The following UTP15 variants were observed in gnomAD, a reference collection of about 807,000 sequenced individuals.
The protein encoded by UTP15 is UTP15 small subunit processome component.
In UTP15, 5 loss-of-function variants were observed where a neutral mutation model predicts 59.1. The ratio of observed to expected loss-of-function variants is 0.08; its 90% CI spans 0.04 to 0.18. UTP15 has a LOEUF of 0.18. UTP15 is among the 10% of genes least tolerant of loss of function. The pLI, the probability that UTP15 is intolerant of heterozygous loss-of-function variation, is 1.00. For synonymous variants in UTP15, 211 were observed against 212.2 expected (o/e 0.99, Z 0.05); for missense variants, 494 against 616.7 (o/e 0.80, Z 2.11).
At chr5:73,566,831 T>G (rs1305794433) in intron 1 of UTP15, among the ~76,000 whole-genome samples, 4 of 152,246 alleles carry the variant, frequency 2.6e-5, no homozygotes, top group Non-Finnish European at 5.9e-5. Flanking sequence ...TCTTGGCATT[T>G]TTAGGCTTTC....
rs185423061 is a variant in UTP15 at position 73,575,785 on chromosome 5, C to G, written c.810-1167C>G. On this transcript the variant is annotated intron_variant, in intron 7 of 12. Transcript: ENST00000296792. ...TTGCCCAGGCTGGAGTGCAATGGCG[C>G]GGTCTCGGCTCACCGCACCTTCTGC... 5.9e-4 allele frequency among the ~76,000 whole-genome samples: 89 copies of G among 151,170 alleles called. No homozygotes were observed. In the Middle Eastern group the frequency reaches 0.014, roughly 23 times the overall value.
intron 5 of UTP15, among the ~76,000 whole-genome samples, chr5:73,570,222 C>T (rs916254857): frequency 3.3e-5 from 5 of 152,174 alleles, no homozygotes; most frequent in African/African-American, 1.2e-4. Context: ...GTCTTGAAAA[C>T]ATAATAGACT....
At chr5:73,571,305 A>G (rs573791449) in intron 6 of UTP15, among the ~76,000 whole-genome samples, 22 of 151,488 alleles carry the variant, frequency 1.5e-4, no homozygotes, top group African/African-American at 5.3e-4. Context: ...CTTGATTGAA[A>G]TGCCACTACC....
chr5:73,572,340 G>C (rs1747955146), intron 6 of UTP15, 149 bp from the exon 7 acceptor site: 1 of 846,498 alleles, frequency 1.2e-6, no homozygotes, highest in Non-Finnish European at 1.9e-6. Context: ...AGGAAGTGGT[G>C]CATCCAGGAT....
chr5:73,569,400 C>CTT, intron 4 of UTP15, 97 bp from the exon 5 acceptor site: 1 of 994,128 alleles, frequency 1.0e-6, no homozygotes, highest in Non-Finnish European at 1.4e-6. Flanking sequence ...AACTCAGCTG[C>CTT]TTTTTTTTTA....
chr5:73,577,034 G>T lies in UTP15; in HGVS notation c.892G>T (p.Ala298Ser), dbSNP rs775087865. ...AGCTTCAATTTTGAGTCTTGCCCTT[G>T]CAGTAAGTACCTTTACCTATTTTTA... ...YAASILSLAL[A>S]HEDETIVVGM... The change falls in exon 8 of 13, where the codon GCA becomes TCA. Residue 298 changes from alanine to serine, a missense_variant and splice_region_variant. Coordinates refer to ENST00000296792, the MANE Select transcript of UTP15 (RefSeq NM_032175.4). The T allele has an allele frequency of 1.9e-6, 3 of 1,606,348 alleles. No individual in the cohort carries two copies. Among genetic ancestry groups the T allele is most frequent in the South Asian group, 2.2e-5 (2 of 89,400 alleles).
At chr5:73,569,133 A>G (rs1747863071) in intron 4 of UTP15, among the ~76,000 whole-genome samples, 1 of 152,236 alleles carries the variant, frequency 6.6e-6, no homozygotes, top group Non-Finnish European at 1.5e-5. Flanking sequence ...TTTATGTAAC[A>G]TGATTCTATT....
intron 9 of UTP15, 140 bp from the exon 10 acceptor site, chr5:73,578,607 TTTTA>T (rs1241829151): frequency 1.5e-6 from 1 of 651,318 alleles, no homozygotes; most frequent in Non-Finnish European, 2.5e-6. Context: ...CAGGATGCAT[TTTTA>T]TTTAATCTAC....
At chr5:73,575,402 T>G (rs1748060003) in intron 7 of UTP15, among the ~76,000 whole-genome samples, 1 of 152,164 alleles carries the variant, frequency 6.6e-6, no homozygotes, top group Non-Finnish European at 1.5e-5. Flanking sequence ...TCATGGTACT[T>G]ACCATATAGG....
intron 12 of UTP15, 95 bp from the exon 13 acceptor site, chr5:73,579,782 A>G (rs1307873095): frequency 1.5e-6 from 1 of 660,650 alleles, no homozygotes; most frequent in East Asian, 3.0e-5. Context: ...CAGTGTTCTT[A>G]TGTTTAATAT....
chr5:73,576,865 GT>G (rs1368348719), intron 7 of UTP15, 86 bp from the exon 8 acceptor site: 2 of 865,980 alleles, frequency 2.3e-6, no homozygotes, highest in African/African-American at 3.4e-5. Flanking sequence ...AGATTTTAAT[GT>G]TTGTATTTTG....
At chr5:73,578,259 A>G (rs2112057993) in intron 9 of UTP15, 2 of 383,352 alleles carry the variant, frequency 5.2e-6, no homozygotes, top group South Asian at 3.1e-5. Context: ...TGTCTTTCAC[A>G]TACTACCTGA....
At chr5:73,566,306 T>C (rs758832997) in intron 1 of UTP15, 14 of 189,532 alleles carry the variant, frequency 7.4e-5, no homozygotes, top group Non-Finnish European at 1.4e-4. Context: ...TCTAGGTTAA[T>C]ATCTGGTGCC....
In UTP15 at chr5:73,576,947, AT is replaced by A; in HGVS notation, c.810-3del. 1 of 1,572,172 alleles carries A rather than the reference AT, an allele frequency of 6.4e-7. No individual in the cohort carries two copies. The highest frequency in any genetic ancestry group is 8.6e-7 in the Non-Finnish European group (1 of 1,165,834). ...ATTTTTGACAAAGCTTTTCCTTTTT[AT>A]TAGGAAGGTGAAAGTATACAGCACA... On this transcript the variant is annotated splice_region_variant and splice_polypyrimidine_tract_variant and intron_variant, in intron 7 of 12. Transcript: ENST00000296792.
intron 6 of UTP15, among the ~76,000 whole-genome samples, chr5:73,571,480 A>G (rs917976636): frequency 7.9e-5 from 12 of 152,158 alleles, no homozygotes; most frequent in Non-Finnish European, 1.5e-4. Flanking sequence ...ATTTGTAAAT[A>G]AAGTAAAAAT....
chr5:73,575,096 A>G (rs774012466), intron 7 of UTP15, among the ~76,000 whole-genome samples: 1 of 152,218 alleles, frequency 6.6e-6, no homozygotes, highest in African/African-American at 2.4e-5. Flanking sequence ...GATATTTTCA[A>G]TCCATGGTTG....
At chr5:73,568,389 A>G (rs761569188) in intron 3 of UTP15, 31 bp from the exon 4 acceptor site, 3 of 1,599,008 alleles carry the variant, frequency 1.9e-6, no homozygotes, top group Non-Finnish European at 1.7e-6. Flanking sequence ...ATCTTGAGCC[A>G]TCTGGTGAAA....
At position 73,567,311 on chromosome 5, in the gene UTP15, T is replaced by A; in HGVS notation, c.-34T>A. ...ATTTCTAATACCAATTCCAAAATAG[T>A]GACTCTTGGACAATAGTGCAATTAT... On this transcript the variant is annotated 5_prime_UTR_variant, in exon 2 of 13. Transcript: ENST00000296792. The A allele has an allele frequency of 6.9e-7, 1 of 1,458,242 alleles. No homozygotes were observed. The highest frequency in any genetic ancestry group is 9.3e-7 in the Non-Finnish European group (1 of 1,069,874). 90.3% of individuals were successfully genotyped at this position (1,458,242 alleles called of 1,614,324 possible). A position where few individuals can be genotyped will look rare whatever the true frequency, so the allele number is the denominator to read the frequency against.
intron 8 of UTP15, 86 bp downstream of exon 8, chr5:73,577,122 A>G: frequency 9.7e-7 from 1 of 1,033,748 alleles, no homozygotes; most frequent in East Asian, 2.4e-5. Context: ...TTATTTTTAG[A>G]TTTGAGTAAC....
Sources: gnomAD v4.1 joint callset for allele counts (sites outside exome capture counted in the v4.1 genomes callset) on GRCh38, gnomAD v4.1.1 for gene constraint, MANE v1.5 for transcripts, NCBI Gene and HGNC (gene_info 2026-07-23, HGNC 2026-07-21) for gene names.